Variants in PDZD2 observed in about 807,000 individuals in gnomAD.
The protein encoded by PDZD2 is PDZ domain containing 2, also known as PDZ domain-containing protein 2.
PDZD2 carries 90 observed loss-of-function variants against 220.7 expected under a neutral mutation model. The ratio of observed to expected loss-of-function variants is 0.41; its 90% CI spans 0.34 to 0.49. The LOEUF is 0.49. PDZD2 is among the 20% of genes least tolerant of loss of function. The pLI, the probability that PDZD2 is intolerant of heterozygous loss-of-function variation, is 0.28. For missense variants in PDZD2, 3,174 were observed against 3,608.5 expected (o/e 0.88, Z 3.08); for synonymous variants, 1,375 against 1,450.5 (o/e 0.95, Z 1.18).
At position 32,108,805 on chromosome 5, in the gene PDZD2, T is replaced by C. The variant is rs1745066816; in HGVS notation, c.*670T>C. ...TGTACGTATGCAAAGTTCAACTCAA[T>C]AGGTTATTGATCACCATGAAGTATT... On this transcript the variant is annotated 3_prime_UTR_variant, in exon 25 of 25. Transcript: ENST00000438447. The C allele has an allele frequency of 6.6e-6, 1 of 152,662 alleles. No individual in the cohort carries two copies. The highest frequency in any genetic ancestry group is 1.5e-5 in the Non-Finnish European group (1 of 68,046). The allele number at this position is 152,662 out of a possible 1,614,324, so 9.5% of individuals were successfully genotyped here. A position where few individuals can be genotyped will look rare whatever the true frequency, so the allele number is the denominator to read the frequency against.
intron 6 of PDZD2, among the ~76,000 whole-genome samples, chr5:32,015,396 G>A (rs897750191): frequency 6.6e-6 from 1 of 152,066 alleles, no homozygotes; most frequent in Non-Finnish European, 1.5e-5. Flanking sequence ...ACAGGTGCAC[G>A]CCACCGCAGC....
chr5:31,819,903 T>C (rs1755723111), intron 2 of PDZD2, among the ~76,000 whole-genome samples: 1 of 152,218 alleles, frequency 6.6e-6, no homozygotes, highest in Non-Finnish European at 1.5e-5. Context: ...CTTTGAATCA[T>C]ACTACGTGCA....
intron 1 of PDZD2, among the ~76,000 whole-genome samples, chr5:31,736,250 T>A (rs895596738): frequency 3.9e-5 from 6 of 152,230 alleles, no homozygotes; most frequent in Non-Finnish European, 8.8e-5. Flanking sequence ...TTTTGGCTTA[T>A]CTTCCTGTCA....
At chr5:31,859,150 AC>A (rs1467369277) in intron 2 of PDZD2, among the ~76,000 whole-genome samples, 1 of 151,934 alleles carries the variant, frequency 6.6e-6, no homozygotes. Context: ...AATCAGCAGC[AC>A]CCATTCCCTA....
chr5:32,045,524 G>A (rs1317777967), intron 7 of PDZD2, among the ~76,000 whole-genome samples: 9 of 150,304 alleles, frequency 6.0e-5, no homozygotes, highest in South Asian at 4.2e-4. Context: ...GGATTCAAGC[G>A]ATTCTCATGC....
chr5:31,750,240 G>A (rs1042983087), intron 1 of PDZD2, among the ~76,000 whole-genome samples: 1 of 152,096 alleles, frequency 6.6e-6, no homozygotes, highest in Non-Finnish European at 1.5e-5. Context: ...ACTCTTGTCC[G>A]ACTTGATCTC....
chr5:32,024,943 A>G (rs541123608), intron 6 of PDZD2, among the ~76,000 whole-genome samples: 148 of 152,366 alleles, frequency 9.7e-4, no homozygotes, highest in African/African-American at 3.3e-3. Flanking sequence ...GTGCTGGGCC[A>G]GATTTGGCCC....
chr5:32,057,386 A>C (rs1400415543), intron 10 of PDZD2, among the ~76,000 whole-genome samples: 1 of 152,220 alleles, frequency 6.6e-6, no homozygotes, highest in Non-Finnish European at 1.5e-5. Flanking sequence ...CTGTTGTCAA[A>C]CTTGGCAATG....
chr5:31,929,744 C>T (rs1745086753), intron 2 of PDZD2, among the ~76,000 whole-genome samples: 2 of 32,992 alleles, frequency 6.1e-5, no homozygotes, highest in Admixed American at 5.8e-4. Flanking sequence ...CCCAGCTACT[C>T]GGGAGGCTGA....
At chr5:32,052,168 C>T (rs1017684040) in intron 8 of PDZD2, among the ~76,000 whole-genome samples, 8 of 152,180 alleles carry the variant, frequency 5.3e-5, no homozygotes, top group African/African-American at 9.7e-5. Context: ...TTTTTTGAGA[C>T]GGAGTCTCAC....
At chr5:32,011,115 C>G (rs980064193) in intron 6 of PDZD2, among the ~76,000 whole-genome samples, 2 of 151,752 alleles carry the variant, frequency 1.3e-5, no homozygotes, top group African/African-American at 4.8e-5. Flanking sequence ...GCTGCTATGC[C>G]TTGCTGGTGT....
At position 32,091,045 on chromosome 5, in the gene PDZD2, G is replaced by T. The variant is rs201398838; in HGVS notation, c.7597G>T (p.Glu2533Ter). Residue 2533 changes from glutamate (E) to a stop codon, truncating the protein, a stop_gained, in exon 20 of 25, where the codon GAG (glutamate) becomes TAG (stop). Transcript: ENST00000438447. LOFTEE classifies it high-confidence loss of function. Reference sequence around the variant, plus strand: ...TCCTGCTGGAGGCGTTTCGTGTCCCGAGAAGGGCGGGAACAGGGCCTGTCC... The same window carrying T: ...TCCTGCTGGAGGCGTTTCGTGTCCCTAGAAGGGCGGGAACAGGGCCTGTCC... ...GPPAGGVSCP[E>*]KGGNRACPGG... 6.2e-7 allele frequency: 1 copy of T among 1,613,816 alleles called. No individual in the cohort carries two copies. Among genetic ancestry groups the T allele is most frequent in the Admixed American group, 1.7e-5 (1 of 60,016 alleles).
intron 2 of PDZD2, among the ~76,000 whole-genome samples, chr5:31,915,374 G>A (rs1010206211): frequency 6.6e-6 from 1 of 152,188 alleles, no homozygotes; most frequent in African/African-American, 2.4e-5. Flanking sequence ...GCTAGGGGCT[G>A]TTCTCCACAG....
intron 1 of PDZD2, among the ~76,000 whole-genome samples, chr5:31,649,665 C>T (rs1745269595): frequency 6.6e-6 from 1 of 152,086 alleles, no homozygotes; most frequent in Non-Finnish European, 1.5e-5. Context: ...CTGGGCGCGG[C>T]AGCGCATGCC....
In PDZD2 at chr5:32,105,647, T is replaced by C. The variant is rs907907103; in HGVS notation, c.8354-2322T>C. Among the ~76,000 whole-genome samples, 16 of 152,236 alleles carry C rather than the reference T, an allele frequency of 1.1e-4. No homozygotes were observed. In the East Asian group the frequency reaches 3.1e-3, roughly 29 times the overall value. ...TGAATGAAAAAAAGCCAAATGCAGA[T>C]TGTGCACTGTGTGACACCAATTCAT... On this transcript the variant is annotated intron_variant, in intron 24 of 24. Coordinates refer to ENST00000438447, the MANE Select transcript of PDZD2 (RefSeq NM_178140.4).
intron 2 of PDZD2, among the ~76,000 whole-genome samples, chr5:31,878,112 G>A (rs1011248125): frequency 2.0e-5 from 3 of 152,130 alleles, no homozygotes; most frequent in African/African-American, 2.4e-5. Context: ...TTTGAGACAA[G>A]GAGAAAAATA....
Position 32,010,315 on chromosome 5 carries a change from A to G in PDZD2, c.1255-15A>G, listed in dbSNP as rs571243299. 2 of 1,588,490 alleles carry G rather than the reference A, an allele frequency of 1.3e-6. No individual in the cohort carries two copies. Among genetic ancestry groups the G allele is most frequent in the South Asian group, 1.1e-5 (1 of 89,256 alleles). On this transcript the variant is annotated splice_polypyrimidine_tract_variant and intron_variant, in intron 5 of 24. Transcript: ENST00000438447. ...GGAGTAATTCATGGATGGGCCTTTAATTGTGTCCCCATAGGAAAACTCCGC... is the reference window on the plus strand; with the variant it reads ...GGAGTAATTCATGGATGGGCCTTTAGTTGTGTCCCCATAGGAAAACTCCGC...
At chr5:32,018,606 C>T (rs1437332085) in intron 6 of PDZD2, among the ~76,000 whole-genome samples, 4 of 152,256 alleles carry the variant, frequency 2.6e-5, no homozygotes, top group Admixed American at 6.5e-5. Context: ...GCCTCATTCT[C>T]GGCACCAACC....
At chr5:31,865,143 A>G (rs1738097429) in intron 2 of PDZD2, among the ~76,000 whole-genome samples, 1 of 151,876 alleles carries the variant, frequency 6.6e-6, no homozygotes, top group South Asian at 2.1e-4. Flanking sequence ...CATCGCGCCC[A>G]GCTGAGATTT....
Sources: gnomAD v4.1 joint callset for allele counts (sites outside exome capture counted in the v4.1 genomes callset) on GRCh38, gnomAD v4.1.1 for gene constraint, MANE v1.5 for transcripts, NCBI Gene and HGNC (gene_info 2026-07-23, HGNC 2026-07-21) for gene names.